SLC9C2: variants seen among roughly 807,000 people sequenced by gnomAD.
SLC9C2 encodes the protein sodium/hydrogen exchanger 11.
SLC9C2 carries 75 observed loss-of-function variants against 140.2 expected under a neutral mutation model. The ratio of observed to expected loss-of-function variants is 0.53; its 90% CI spans 0.44 to 0.65. SLC9C2 has a LOEUF of 0.65. Among genes scored for constraint, SLC9C2 ranks in the 30% least tolerant of loss-of-function variants. The pLI is 0.00. For missense variants in SLC9C2, 1,074 were observed against 1,331.8 expected, an observed-to-expected ratio of 0.81 and a Z score of 3.01; for synonymous variants, 375 against 420.9, an observed-to-expected ratio of 0.89 and a Z score of 1.34.
chr1:173,548,420 A>G lies in SLC9C2; in HGVS notation c.1430T>C (p.Val477Ala). 1.2e-6 allele frequency: 2 copies of G among 1,613,528 alleles called. No homozygotes were observed. The highest frequency in any genetic ancestry group is 1.7e-6 in the Non-Finnish European group (2 of 1,179,698). Residue 477 changes from valine to alanine, a missense_variant, in exon 12 of 28, where the codon GTA becomes GCA. Coordinates refer to ENST00000367714, the MANE Select transcript of SLC9C2 (RefSeq NM_178527.4). ...GTATTCGATCCTCGTTTTATCTTCT[A>G]CTAAGGTCCAGTTAACATTTGTCAA... ...KILTNVNWTLVEDKTRIEYIP... is the reference protein window; with the variant it reads ...KILTNVNWTLAEDKTRIEYIP...
rs1308603325 is a variant in SLC9C2 at position 173,603,019 on chromosome 1, CCAAAGAACAAT to C, written c.-359_-349del. 1 of 152,248 alleles carries C rather than the reference CCAAAGAACAAT, an allele frequency of 6.6e-6. No homozygotes were observed. The highest frequency in any genetic ancestry group is 2.4e-5 in the African/African-American group (1 of 41,556). The allele number at this position is 152,248 out of a possible 1,614,324, so 9.4% of individuals were successfully genotyped here. On this transcript the variant is annotated 5_prime_UTR_variant, in exon 1 of 28. Transcript: ENST00000367714. ...AATTGAGATGAAGGCTCTCAAAATC[CCAAAGAACAAT>C]GCACAGTTATGCGTCTGTTTGCCAG...
chr1:173,599,423 G>A (rs1184330620), intron 3 of SLC9C2, among the ~76,000 whole-genome samples: 6 of 126,060 alleles, frequency 4.8e-5, no homozygotes, highest in African/African-American at 1.2e-4. Flanking sequence ...CGCCCAGGCC[G>A]GAGTGCAGTG....
intron 23 of SLC9C2, among the ~76,000 whole-genome samples, chr1:173,511,828 A>G (rs1571433196): frequency 6.6e-6 from 1 of 152,194 alleles, no homozygotes; most frequent in Admixed American, 6.5e-5. Context: ...TAATTTACGT[A>G]TAAGGTGTAA....
At chr1:173,582,426 C>A (rs1459539972) in intron 6 of SLC9C2, among the ~76,000 whole-genome samples, 5 of 152,106 alleles carry the variant, frequency 3.3e-5, no homozygotes. Flanking sequence ...TGCCCCCAGC[C>A]CAGGAGACAT....
intron 4 of SLC9C2, among the ~76,000 whole-genome samples, chr1:173,597,500 A>G (rs1666514109): frequency 7.2e-6 from 1 of 138,844 alleles, no homozygotes; most frequent in African/African-American, 3.5e-5. Context: ...AGGCATGATT[A>G]AGAAAAAAAC....
intron 22 of SLC9C2, among the ~76,000 whole-genome samples, chr1:173,518,150 C>G (rs2101933020): frequency 6.6e-6 from 1 of 152,024 alleles, no homozygotes; most frequent in South Asian, 2.1e-4. Context: ...GTAGTCCCAG[C>G]TACTCAGGAG....
intron 4 of SLC9C2, chr1:173,596,709 A>G (rs893559096): frequency 1.3e-5 from 2 of 152,134 alleles, no homozygotes; most frequent in South Asian, 4.1e-4. Context: ...CCAACTGTAT[A>G]CTATTAAAAA....
At chr1:173,515,979 C>T (rs1660386836) in intron 23 of SLC9C2, among the ~76,000 whole-genome samples, 1 of 152,140 alleles carries the variant, frequency 6.6e-6, no homozygotes, top group Non-Finnish European at 1.5e-5. Context: ...CTGGTTTGCT[C>T]CCACACCTGG....
intron 9 of SLC9C2, among the ~76,000 whole-genome samples, chr1:173,561,947 A>C (rs986552246): frequency 6.6e-6 from 1 of 152,064 alleles, no homozygotes; most frequent in Non-Finnish European, 1.5e-5. Flanking sequence ...GATTGGAATG[A>C]ATTTACCTGA....
intron 8 of SLC9C2, among the ~76,000 whole-genome samples, chr1:173,574,806 G>A (rs758147881): frequency 2.0e-5 from 3 of 151,932 alleles, no homozygotes; most frequent in African/African-American, 7.3e-5. Flanking sequence ...CACCGCACCC[G>A]GCCTGAGTTA....
intron 4 of SLC9C2, among the ~76,000 whole-genome samples, chr1:173,595,325 C>G (rs1571638866): frequency 6.6e-6 from 1 of 152,222 alleles, no homozygotes; most frequent in East Asian, 1.9e-4. Context: ...GATGGATATT[C>G]ATTCTAGCCC....
chr1:173,578,701 C>T (rs1665335890), intron 7 of SLC9C2, among the ~76,000 whole-genome samples: 1 of 152,172 alleles, frequency 6.6e-6, no homozygotes, highest in Admixed American at 6.5e-5. Context: ...CCAGGCCTCT[C>T]TCCTAGCTTC....
chr1:173,533,823 A>G (rs1661758424), intron 16 of SLC9C2, 26 bp from the exon 17 acceptor site: 1 of 1,583,322 alleles, frequency 6.3e-7, no homozygotes, highest in Admixed American at 1.8e-5. Flanking sequence ...ATGTCATTTC[A>G]TAGCACCTAT....
At chr1:173,535,451 C>G (rs1661876336) in intron 15 of SLC9C2, among the ~76,000 whole-genome samples, 1 of 152,128 alleles carries the variant, frequency 6.6e-6, no homozygotes, top group South Asian at 2.1e-4. Flanking sequence ...TATAGATCAA[C>G]AGAATCACAC....
At chr1:173,602,640 T>C (rs982913449) in intron 1 of SLC9C2, 111 bp downstream of exon 1, 1 of 152,218 alleles carries the variant, frequency 6.6e-6, no homozygotes, top group Non-Finnish European at 1.5e-5. Context: ...TGTGCAAATC[T>C]ATGCAGTGGT....
chr1:173,568,831 G>A (rs1664664968), intron 9 of SLC9C2, among the ~76,000 whole-genome samples: 1 of 152,088 alleles, frequency 6.6e-6, no homozygotes, highest in Non-Finnish European at 1.5e-5. Flanking sequence ...CAAAATGTGA[G>A]TAGTTTACCC....
At chr1:173,519,793 A>G (rs1288288440) in intron 22 of SLC9C2, among the ~76,000 whole-genome samples, 1 of 152,094 alleles carries the variant, frequency 6.6e-6, no homozygotes, top group Non-Finnish European at 1.5e-5. Context: ...TTGGCCTCTG[A>G]GTATGTGTAG....
intron 11 of SLC9C2, among the ~76,000 whole-genome samples, chr1:173,554,052 C>T (rs1663501296): frequency 6.6e-6 from 1 of 152,142 alleles, no homozygotes; most frequent in African/African-American, 2.4e-5. Flanking sequence ...TATATTTATG[C>T]ATTTTATTAT....
chr1:173,515,318 T>C (rs866759612), intron 23 of SLC9C2, among the ~76,000 whole-genome samples: 7 of 152,358 alleles, frequency 4.6e-5, no homozygotes, highest in Middle Eastern at 3.4e-3. Flanking sequence ...TTTGTTCTTT[T>C]TACATAGTCC....
Sources: gnomAD v4.1 joint callset for allele counts (sites outside exome capture counted in the v4.1 genomes callset) on GRCh38, gnomAD v4.1.1 for gene constraint, MANE v1.5 for transcripts, NCBI Gene and HGNC (gene_info 2026-07-23, HGNC 2026-07-21) for gene names.